IGF1R: variants seen among roughly 807,000 people sequenced by gnomAD.
The protein encoded by IGF1R is insulin-like growth factor 1 receptor.
IGF1R carries 44 observed loss-of-function variants against 144.6 expected under a neutral mutation model. That is an observed-to-expected ratio of 0.30 (90% CI 0.24 to 0.39). The LOEUF is 0.39. Among genes scored for constraint, IGF1R ranks in the 10% least tolerant of loss-of-function variants. IGF1R has a pLI of 1.00. For missense variants in IGF1R, 1,355 were observed against 1,833.7 expected (o/e 0.74, Z 4.77); for synonymous variants, 795 against 722.8 (o/e 1.10, Z -1.60).
At chr15:98,932,119 C>G (rs1466552909) in intron 15 of IGF1R, among the ~76,000 whole-genome samples, 1 of 152,186 alleles carries the variant, frequency 6.6e-6, no homozygotes, top group Non-Finnish European at 1.5e-5. Context: ...TCTCAGGGCT[C>G]TCATGGTGAC....
chr15:98,706,669 T>C (rs1432629431), intron 1 of IGF1R, among the ~76,000 whole-genome samples: 1 of 152,090 alleles, frequency 6.6e-6, no homozygotes, highest in East Asian at 1.9e-4. Flanking sequence ...TAGAAGGACA[T>C]GTATTGACCT....
At chr15:98,728,397 C>G (rs370000948) in intron 2 of IGF1R, among the ~76,000 whole-genome samples, 70 of 152,160 alleles carry the variant, frequency 4.6e-4, no homozygotes, top group Non-Finnish European at 8.8e-4. Flanking sequence ...CTCAAGACCC[C>G]GGTTAAGGGG....
At chr15:98,677,517 A>G (rs956757381) in intron 1 of IGF1R, among the ~76,000 whole-genome samples, 1 of 152,156 alleles carries the variant, frequency 6.6e-6, no homozygotes, top group Non-Finnish European at 1.5e-5. Context: ...CTAATAAGGG[A>G]GTAGGCCGAC....
chr15:98,657,410 C>G (rs2052512049), intron 1 of IGF1R, among the ~76,000 whole-genome samples: 1 of 152,254 alleles, frequency 6.6e-6, no homozygotes, highest in Middle Eastern at 3.4e-3. Flanking sequence ...TTGTAAAATC[C>G]CTCTCAGTTG....
At chr15:98,730,233 A>T (rs564344668) in intron 2 of IGF1R, among the ~76,000 whole-genome samples, 1 of 147,178 alleles carries the variant, frequency 6.8e-6, no homozygotes, top group African/African-American at 2.5e-5. Flanking sequence ...GTGATTTTCA[A>T]TTTTTTTTTT....
At chr15:98,900,438 G>T (rs1196869325) in intron 5 of IGF1R, among the ~76,000 whole-genome samples, 1 of 152,216 alleles carries the variant, frequency 6.6e-6, no homozygotes, top group Admixed American at 6.5e-5. Flanking sequence ...AAGAAGAGGC[G>T]AGAAGGTCAT....
At chr15:98,674,648 A>G (rs909631657) in intron 1 of IGF1R, among the ~76,000 whole-genome samples, 1 of 152,178 alleles carries the variant, frequency 6.6e-6, no homozygotes, top group Non-Finnish European at 1.5e-5. Flanking sequence ...TATTATGTGT[A>G]TTGCTTTTTT....
intron 6 of IGF1R, among the ~76,000 whole-genome samples, chr15:98,909,250 T>C (rs2014879697): frequency 4.2e-5 from 1 of 23,680 alleles, no homozygotes; most frequent in South Asian, 3.0e-3. Flanking sequence ...TTCTTTTTTT[T>C]CTTTTTTTTT....
intron 2 of IGF1R, among the ~76,000 whole-genome samples, chr15:98,887,210 C>T (rs771846111): frequency 2.0e-5 from 3 of 152,066 alleles, no homozygotes; most frequent in Non-Finnish European, 2.9e-5. Flanking sequence ...GGTTGTGGCA[C>T]GGACTGACTG....
At position 98,958,810 on chromosome 15, in the gene IGF1R, C is replaced by A. The variant is rs1416525945; in HGVS notation, c.*1368C>A. On this transcript the variant is annotated 3_prime_UTR_variant, in exon 21 of 21. Coordinates refer to ENST00000650285, the MANE Select transcript of IGF1R (RefSeq NM_000875.5). ...TGCTCACTCCAAGAAACTTCTTATG[C>A]TTTGTACTAGAGTGCGTGACTTTCT... The A allele has an allele frequency of 4.3e-6, 1 of 233,120 alleles. No homozygotes were observed. The highest frequency in any genetic ancestry group is 8.5e-6 in the Non-Finnish European group (1 of 117,766). The allele number at this position is 233,120 out of a possible 1,614,324, so 14.4% of individuals were successfully genotyped here. A position where few individuals can be genotyped will look rare whatever the true frequency, so the allele number is the denominator to read the frequency against.
chr15:98,959,848 T>TC lies in IGF1R; in HGVS notation c.*2409dup, dbSNP rs2017153284. ...CTCTAGTCTCTATCCCATAGCGTGT[T>TC]CCCTTTAAAAAAAAAAAAAAGGTAT... On this transcript the variant is annotated 3_prime_UTR_variant, in exon 21 of 21. Coordinates refer to ENST00000650285, the MANE Select transcript of IGF1R (RefSeq NM_000875.5). 1 of 147,128 alleles carries TC rather than the reference T, an allele frequency of 6.8e-6. No homozygotes were observed. Among genetic ancestry groups the TC allele is most frequent in the East Asian group, 7.7e-5 (1 of 13,036 alleles). 9.1% of individuals were successfully genotyped at this position (147,128 alleles called of 1,614,324 possible). A position where few individuals can be genotyped will look rare whatever the true frequency, so the allele number is the denominator to read the frequency against.
At chr15:98,934,784 C>CTT (rs766875449) in intron 15 of IGF1R, 40 bp from the exon 16 acceptor site, 15 of 1,563,126 alleles carry the variant, frequency 9.6e-6, no homozygotes, top group Middle Eastern at 1.7e-4. Context: ...TGTCTAAGGG[C>CTT]TTGTTTCTGT....
chr15:98,805,851 G>C (rs12440209), intron 2 of IGF1R, among the ~76,000 whole-genome samples: 138,237 of 152,162 alleles, frequency 0.91, 63,384 homozygotes, highest in Middle Eastern at 0.98. Context: ...ACAACCAGTT[G>C]TCTAACTCTC....
intron 2 of IGF1R, among the ~76,000 whole-genome samples, chr15:98,842,973 G>C (rs1235750778): frequency 6.6e-6 from 1 of 152,202 alleles, no homozygotes; most frequent in Non-Finnish European, 1.5e-5. Context: ...ATGGCAATAT[G>C]TGTAACGTGG....
intron 2 of IGF1R, among the ~76,000 whole-genome samples, chr15:98,813,197 A>G (rs1456935460): frequency 1.3e-5 from 2 of 152,134 alleles, no homozygotes; most frequent in African/African-American, 4.8e-5. Flanking sequence ...CAGCCCCCCT[A>G]GGGTTAGCCA....
intron 1 of IGF1R, among the ~76,000 whole-genome samples, chr15:98,662,408 G>T (rs1363122930): frequency 1.3e-5 from 2 of 152,114 alleles, no homozygotes; most frequent in Non-Finnish European, 2.9e-5. Context: ...GGGTTTTTAG[G>T]TTAACCAGGC....
At chr15:98,838,604 A>G (rs186571046) in intron 2 of IGF1R, among the ~76,000 whole-genome samples, 326 of 152,234 alleles carry the variant, frequency 2.1e-3, no homozygotes, top group Non-Finnish European at 3.7e-3. Context: ...CTTTTCCAGT[A>G]CTCTAAGGTC....
chr15:98,730,881 C>T (rs2054482281), intron 2 of IGF1R, among the ~76,000 whole-genome samples: 1 of 151,990 alleles, frequency 6.6e-6, no homozygotes, highest in African/African-American at 2.4e-5. Context: ...AATATTATCA[C>T]ATCATTGTAG....
intron 2 of IGF1R, among the ~76,000 whole-genome samples, chr15:98,822,858 A>G (rs943977005): frequency 2.0e-5 from 3 of 152,256 alleles, no homozygotes; most frequent in African/African-American, 7.2e-5. Context: ...TTGGAGAAAG[A>G]GAGGGTAGTG....
Sources: allele counts gnomAD v4.1 joint callset (sites outside exome capture counted in the v4.1 genomes callset), GRCh38; gene constraint gnomAD v4.1.1; transcripts MANE v1.5; gene names NCBI Gene and HGNC (gene_info 2026-07-23, HGNC 2026-07-21).